Variants in CCDC134 observed in about 807,000 individuals in gnomAD.
CCDC134 encodes coiled-coil domain-containing protein 134.
Under a neutral mutation model 25.6 loss-of-function variants are expected in CCDC134, and 27 were observed. The ratio of observed to expected loss-of-function variants is 1.05; its 90% CI spans 0.78 to 1.45. The LOEUF (loss-of-function observed/expected upper bound fraction) is 1.45. CCDC134 is among the 40% of genes most tolerant of loss of function. CCDC134 has a pLI of 0.00. For synonymous variants in CCDC134, 110 were observed against 115.0 expected (o/e 0.96, Z 0.28); for missense variants, 261 against 286.7 (o/e 0.91, Z 0.65).
chr22:41,813,073 C>T (rs1409674622), intron 4 of CCDC134, among the ~76,000 whole-genome samples, 191 bp from the exon 5 acceptor site: 1 of 152,190 alleles, frequency 6.6e-6, no homozygotes, highest in African/African-American at 2.4e-5. Flanking sequence ...GTTATGAGGA[C>T]TCAGTGAGCT....
intron 6 of CCDC134, among the ~76,000 whole-genome samples, chr22:41,824,558 GAGAC>G (rs1354267740): frequency 6.6e-6 from 1 of 152,190 alleles, no homozygotes; most frequent in Non-Finnish European, 1.5e-5. Context: ...GTCAAGGTTT[GAGAC>G]TAGCCTGGCC....
intron 4 of CCDC134, among the ~76,000 whole-genome samples, chr22:41,812,543 A>G (rs576151909): frequency 6.6e-6 from 1 of 152,210 alleles, no homozygotes; most frequent in East Asian, 1.9e-4. Flanking sequence ...CATGCCTATA[A>G]TCCCAGAGCT....
intron 6 of CCDC134, among the ~76,000 whole-genome samples, chr22:41,821,241 T>A (rs2076650382): frequency 6.6e-6 from 1 of 151,952 alleles, no homozygotes; most frequent in African/African-American, 2.4e-5. Flanking sequence ...AACAAAAGAT[T>A]GGATTTCCAG....
intron 4 of CCDC134, among the ~76,000 whole-genome samples, chr22:41,812,390 C>G (rs2076600717): frequency 6.9e-6 from 1 of 145,320 alleles, no homozygotes; most frequent in Non-Finnish European, 1.5e-5. Context: ...CCACTGCACT[C>G]CAGCCTGGAC....
chr22:41,809,034 G>T, intron 2 of CCDC134, 41 bp downstream of exon 2: 1 of 1,493,262 alleles, frequency 6.7e-7, no homozygotes, highest in Non-Finnish European at 9.3e-7. Context: ...TCTTTGAGAG[G>T]TCTATAAATG....
rs2076697580 is a variant in CCDC134, at chr22:41,829,971, C to A, written c.*4148C>A. ...GTATTTTCAGTAGAGATGGGTTTCA[C>A]CATATTGGCCAGGATGGTCTCGATC... On this transcript the variant is annotated 3_prime_UTR_variant, in exon 7 of 7. Coordinates refer to ENST00000255784, the MANE Select transcript of CCDC134 (RefSeq NM_024821.5). Among the ~76,000 whole-genome samples the A allele has an allele frequency of 6.6e-6, 1 of 152,212 alleles. No homozygotes were observed. The highest frequency in any genetic ancestry group is 2.4e-5 in the African/African-American group (1 of 41,534).
intron 1 of CCDC134, among the ~76,000 whole-genome samples, chr22:41,803,903 G>A (rs1178901123): frequency 3.9e-5 from 6 of 152,084 alleles, no homozygotes; most frequent in East Asian, 3.9e-4. Flanking sequence ...AGGCTGAGAC[G>A]GGCGGATCAC....
intron 1 of CCDC134, among the ~76,000 whole-genome samples, chr22:41,802,948 AAAAT>A (rs1367565413): frequency 6.6e-6 from 1 of 151,200 alleles, no homozygotes; most frequent in East Asian, 1.9e-4. Flanking sequence ...AAAAATAAAT[AAAAT>A]AAAATACAAA....
intron 6 of CCDC134, among the ~76,000 whole-genome samples, chr22:41,824,394 C>T (rs992472740): frequency 3.3e-5 from 5 of 151,650 alleles, no homozygotes; most frequent in African/African-American, 7.3e-5. Context: ...CCTGCAGATA[C>T]ACCATGTGGA....
At chr22:41,802,878 C>T (rs1370553820) in intron 1 of CCDC134, among the ~76,000 whole-genome samples, 4 of 151,194 alleles carry the variant, frequency 2.6e-5, no homozygotes, top group Admixed American at 6.6e-5. Flanking sequence ...CGCACCACTG[C>T]ACTCCAGCCT....
rs61109016 is a variant in CCDC134, at chr22:41,825,710, A to G, written c.577A>G (p.Thr193Ala). The change falls in exon 7 of 7, where the codon ACT becomes GCT. Residue 193 changes from threonine to alanine, a missense_variant. Thr to Ala is a moderately conservative substitution (Grantham distance 58, BLOSUM62 0). Coordinates refer to ENST00000255784, the MANE Select transcript of CCDC134 (RefSeq NM_024821.5). This position sits in a 1 kb window ranked among gnomAD's most constrained non-coding sequence, Gnocchi z 4.4. ...CTCTTCCCTTCAGTTCATTCCCAGC[A>G]CTGACCCTTTCCAGAAGGCCCTGAG... ...KIDRTEFIPS[T>A]DPFQKALREE... 2.4e-3 allele frequency: 3,913 copies of G among 1,613,972 alleles called. 68 individuals carry two copies. In the African/African-American group the frequency reaches 0.043, roughly 18 times the overall value.
chr22:41,823,986 A>G (rs575789761), intron 6 of CCDC134, among the ~76,000 whole-genome samples: 3 of 152,348 alleles, frequency 2.0e-5, no homozygotes, highest in South Asian at 2.1e-4. Flanking sequence ...TGTATTTCCT[A>G]TTCTAACGTG....
At chr22:41,803,725 G>C (rs1339090702) in intron 1 of CCDC134, among the ~76,000 whole-genome samples, 2 of 151,430 alleles carry the variant, frequency 1.3e-5, no homozygotes, top group African/African-American at 4.9e-5. Flanking sequence ...CCAAGATGGT[G>C]CCACTGCACT....
rs148339387 is a variant in CCDC134, at chr22:41,817,170, T to G, written c.564+3348T>G. Among the ~76,000 whole-genome samples, 662 of 152,288 alleles carry G rather than the reference T, an allele frequency of 4.3e-3. 2 individuals are homozygous for G. Among genetic ancestry groups the G allele is most frequent in the African/African-American group, 0.015 (635 of 41,566 alleles). ...TCCTAACAATCTCAGGCTGTACCAT[T>G]CCAACCAGAGACTCAGGTAGTTGAA... is the stretch of plus-strand genomic sequence containing the variant. On this transcript the variant is annotated intron_variant, in intron 6 of 6. Coordinates refer to ENST00000255784, the MANE Select transcript of CCDC134 (RefSeq NM_024821.5).
chr22:41,816,486 A>G (rs981021181), intron 6 of CCDC134, among the ~76,000 whole-genome samples: 2 of 152,252 alleles, frequency 1.3e-5, no homozygotes, highest in East Asian at 1.9e-4. Context: ...TGGAAATGAG[A>G]CACCCAACAG....
At position 41,830,007 on chromosome 22, in the gene CCDC134, G is replaced by A. The variant is rs1212826348; in HGVS notation, c.*4184G>A. Among the ~76,000 whole-genome samples, 1 of 152,122 alleles carries A rather than the reference G, an allele frequency of 6.6e-6. No homozygotes were observed. Among genetic ancestry groups the A allele is most frequent in the Non-Finnish European group, 1.5e-5 (1 of 68,008 alleles). ...AGGATGGTCTCGATCTCTTGACTTCGTGATCTGCCTGCCTCGGCCTCCTAA... is the reference window on the plus strand; with the variant it reads ...AGGATGGTCTCGATCTCTTGACTTCATGATCTGCCTGCCTCGGCCTCCTAA... On this transcript the variant is annotated 3_prime_UTR_variant, in exon 7 of 7. Transcript: ENST00000255784.
Position 41,826,005 on chromosome 22 carries a change from A to G in CCDC134, c.*182A>G. On this transcript the variant is annotated 3_prime_UTR_variant, in exon 7 of 7. Transcript: ENST00000255784. Reference sequence around the variant, plus strand: ...AAGGGACTGAGCCTCAGATGGCTGGATTTTCTCTCAGGGGCCTCCTGCTGA... The same window carrying G: ...AAGGGACTGAGCCTCAGATGGCTGGGTTTTCTCTCAGGGGCCTCCTGCTGA... 1 of 764,888 alleles carries G rather than the reference A, an allele frequency of 1.3e-6. No individual in the cohort carries two copies. 47.4% of individuals were successfully genotyped at this position (764,888 alleles called of 1,614,324 possible).
intron 1 of CCDC134, among the ~76,000 whole-genome samples, chr22:41,803,628 C>T (rs2076554318): frequency 6.6e-6 from 1 of 151,918 alleles, no homozygotes; most frequent in Non-Finnish European, 1.5e-5. Flanking sequence ...ATTAGCCAGG[C>T]ATGGTGATGC....
At chr22:41,813,599 A>G (rs2076608195) in intron 5 of CCDC134, 152 bp from the exon 6 acceptor site, 3 of 1,172,978 alleles carry the variant, frequency 2.6e-6, no homozygotes, top group South Asian at 1.4e-5. Context: ...CCCCATTTCA[A>G]GGGATTCTGT....
Sources: allele counts gnomAD v4.1 joint callset (sites outside exome capture counted in the v4.1 genomes callset), GRCh38; gene constraint gnomAD v4.1.1; non-coding constraint Gnocchi (gnomAD v3.1); transcripts MANE v1.5; gene names NCBI Gene and HGNC (gene_info 2026-07-23, HGNC 2026-07-21).